Variants in PTRH1 observed in about 807,000 individuals in gnomAD.
PTRH1 encodes peptidyl-tRNA hydrolase 1 homolog, also known as peptidyl-tRNA hydrolase.
Under a neutral mutation model 15.7 loss-of-function variants are expected in PTRH1, and 13 were observed. The ratio of observed to expected loss-of-function variants is 0.83; its 90% CI spans 0.54 to 1.31. PTRH1 has a LOEUF of 1.31. Among genes scored for constraint, PTRH1 ranks in the 40% most tolerant of loss-of-function variants. The pLI, the probability that PTRH1 is intolerant of heterozygous loss-of-function variation, is 0.00. For missense variants in PTRH1, 319 were observed against 296.2 expected, an observed-to-expected ratio of 1.08 and a Z score of -0.56; for synonymous variants, 139 against 136.7, an observed-to-expected ratio of 1.02 and a Z score of -0.12.
In PTRH1 at chr9:127,715,448, A is replaced by T. The variant is rs1301920270; in HGVS notation, c.96+96T>A. ...CACTGAACTCACCAGTTAAGAAAAC[A>T]GAGCAGCAATTTGGGGGCACTCGGC... On this transcript the variant is annotated intron_variant, in intron 1 of 4. Transcript: ENST00000543175. This position sits in a 1 kb window ranked among gnomAD's most constrained non-coding sequence, Gnocchi z 5.8. The T allele has an allele frequency of 1.9e-6, 3 of 1,544,146 alleles. No individual in the cohort carries two copies. The African/African-American group carries it at 4.1e-5, about 21-fold the overall frequency.
At chr9:127,700,645 A>C (rs1018921453) in intron 1 of PTRH1, among the ~76,000 whole-genome samples, 21 of 152,240 alleles carry the variant, frequency 1.4e-4, no homozygotes, top group African/African-American at 5.1e-4. Context: ...ATACAGTATC[A>C]AATTATAAAC....
intron 1 of PTRH1, chr9:127,695,392 G>A: frequency 2.1e-6 from 1 of 479,442 alleles, no homozygotes; most frequent in Non-Finnish European, 3.7e-6. Flanking sequence ...GAAAGAGTGA[G>A]GGTCGTGATC....
chr9:127,715,176 G>C lies in PTRH1; in HGVS notation c.115C>G (p.Pro39Ala), dbSNP rs1333314638. The C allele has an allele frequency of 6.5e-7, 1 of 1,529,390 alleles. No individual in the cohort carries two copies. The highest frequency in any genetic ancestry group is 2.0e-5 in the Admixed American group (1 of 50,162). 94.7% of individuals were successfully genotyped at this position (1,529,390 alleles called of 1,614,324 possible). The change falls in exon 2 of 5, where the codon CCC becomes GCC. Residue 39 changes from proline (P) to alanine (A), a missense_variant. Coordinates refer to ENST00000543175, the MANE Select transcript of PTRH1 (RefSeq NM_001002913.3). This position sits in a 1 kb window ranked among gnomAD's most constrained non-coding sequence, Gnocchi z 5.8. The stretch of plus-strand genomic sequence containing the variant: ...CTGTGTCGCGTGCCGGGCAGTCCGG[G>C]ATTCCCCAGGCCAGCCACCTGCGGG... ...KRWMVAGLGN[P>A]GLPGTRHSVG...
chr9:127,695,040 G>A (rs1354268280), exon 2 of PTRH1: 1 of 701,514 alleles, frequency 1.4e-6, no homozygotes, highest in South Asian at 1.5e-5. Context: ...GAAGCACAGT[G>A]AGGGCTCAGC....
chr9:127,694,828 T>C (rs544718020), intron 2 of PTRH1: 4 of 603,034 alleles, frequency 6.6e-6, no homozygotes, highest in South Asian at 6.1e-5. Context: ...TTTAACACCG[T>C]TGGAGACTTT....
downstream of PTRH1, chr9:127,709,333 A>T: frequency 1.4e-6 from 2 of 1,380,374 alleles, no homozygotes; most frequent in Non-Finnish European, 2.0e-6. This position sits in a 1 kb window ranked among gnomAD's most constrained non-coding sequence, Gnocchi z 4.7. Flanking sequence ...CCTTTACGGG[A>T]CAGGGAGTCC....
chr9:127,710,527 C>T, downstream of PTRH1: 1 of 1,513,230 alleles, frequency 6.6e-7, no homozygotes, highest in Non-Finnish European at 8.9e-7. Flanking sequence ...ACCTAAGGGG[C>T]ATCTTTAAGG....
downstream of PTRH1, chr9:127,710,524 G>A (rs1842740641): frequency 1.3e-6 from 2 of 1,508,596 alleles, no homozygotes; most frequent in South Asian, 1.2e-5. Context: ...GGGACCTAAG[G>A]GGCATCTTTA....
rs112698434 is a variant in PTRH1, at chr9:127,705,523, C to A, written c.205+9912G>T. ...GGGCAGGTCTCCAAGCTGACACCCTCTGTGGGCTCCAGGCTGCCCGAGGGG... is the reference window on the plus strand; with the variant it reads ...GGGCAGGTCTCCAAGCTGACACCCTATGTGGGCTCCAGGCTGCCCGAGGGG... On this transcript the variant is annotated intron_variant, in intron 1 of 2. Coordinates refer to the PTRH1 transcript ENST00000335223. The surrounding 1 kb of genome is among the most constrained non-coding windows in gnomAD (Gnocchi z 4.7). 0.019 allele frequency among the ~76,000 whole-genome samples: 2,845 copies of A among 152,362 alleles called. 83 individuals are homozygous for A. Among genetic ancestry groups the A allele is most frequent in the African/African-American group, 0.064 (2,667 of 41,574 alleles).
At chr9:127,700,300 C>T (rs1051126902) in intron 1 of PTRH1, among the ~76,000 whole-genome samples, 1 of 152,138 alleles carries the variant, frequency 6.6e-6, no homozygotes, top group African/African-American at 2.4e-5. Flanking sequence ...TGTCTTTCCA[C>T]CTCCCACCCA....
intron 1 of PTRH1, among the ~76,000 whole-genome samples, chr9:127,701,066 C>A (rs944924653): frequency 6.6e-6 from 1 of 152,202 alleles, no homozygotes; most frequent in Non-Finnish European, 1.5e-5. Context: ...GTCAAACCAC[C>A]TTCATGAATA....
downstream of PTRH1, chr9:127,711,593 G>A (rs1842766301): frequency 1.4e-6 from 2 of 1,457,858 alleles, no homozygotes; most frequent in African/African-American, 1.4e-5. Flanking sequence ...GTCAAGTCAG[G>A]AGGGAGGGAG....
At chr9:127,709,431 G>T (rs1842713455), downstream of PTRH1, 1 of 1,613,334 alleles carries the variant, frequency 6.2e-7, no homozygotes, top group Non-Finnish European at 8.5e-7. The surrounding 1 kb of genome is among the most constrained non-coding windows in gnomAD (Gnocchi z 4.7). Context: ...GGTACCAGCG[G>T]AAGTGGGATG....
At chr9:127,696,522 G>A (rs1228186053) in intron 1 of PTRH1, among the ~76,000 whole-genome samples, 1 of 152,164 alleles carries the variant, frequency 6.6e-6, no homozygotes, top group Non-Finnish European at 1.5e-5. Flanking sequence ...GCAGAGACTA[G>A]ATTTAAACAC....
chr9:127,702,677 G>A (rs1031028516), intron 1 of PTRH1, among the ~76,000 whole-genome samples: 2 of 151,882 alleles, frequency 1.3e-5, no homozygotes, highest in East Asian at 1.9e-4. Context: ...AGCCTGTGAC[G>A]TTGTGACATG....
downstream of PTRH1, chr9:127,712,635 A>T: frequency 1.2e-6 from 2 of 1,611,934 alleles, no homozygotes; most frequent in Non-Finnish European, 8.5e-7. Context: ...ATGGGCACTG[A>T]GGTTGGAATT....
At chr9:127,703,271 C>T in intron 1 of PTRH1, among the ~76,000 whole-genome samples, 1 of 151,684 alleles carries the variant, frequency 6.6e-6, no homozygotes, top group East Asian at 2.0e-4. Flanking sequence ...CATGGTGAAA[C>T]CTCATCTCTA....
intron 1 of PTRH1, among the ~76,000 whole-genome samples, chr9:127,706,255 C>T (rs1179891560): frequency 1.3e-5 from 2 of 152,122 alleles, no homozygotes; most frequent in Non-Finnish European, 1.5e-5. Context: ...GTTTCTGACC[C>T]GTCACCGTGA....
At chr9:127,711,430 CA>C, downstream of PTRH1, 1 of 1,614,124 alleles carries the variant, frequency 6.2e-7, no homozygotes, top group South Asian at 1.1e-5. Context: ...ACAATCTGTG[CA>C]AACAGCTGGA....
Sources: allele counts gnomAD v4.1 joint callset (sites outside exome capture counted in the v4.1 genomes callset), GRCh38; gene constraint gnomAD v4.1.1; non-coding constraint Gnocchi (gnomAD v3.1); transcripts MANE v1.5; gene names NCBI Gene and HGNC (gene_info 2026-07-23, HGNC 2026-07-21).